SPAG16: variants seen among roughly 807,000 people sequenced by gnomAD.
SPAG16 encodes sperm-associated antigen 16 protein.
A neutral mutation model predicts 80.4 loss-of-function variants in SPAG16; 86 were observed. The ratio of observed to expected loss-of-function variants is 1.07; its 90% CI spans 0.90 to 1.28. The LOEUF (loss-of-function observed/expected upper bound fraction) is 1.28, where lower values mean the gene tolerates loss of function less well. SPAG16 is among the 50% of genes most tolerant of loss of function. The pLI, the probability that SPAG16 is intolerant of heterozygous loss-of-function variation, is 0.00. For missense variants in SPAG16, 870 were observed against 765.3 expected (o/e 1.14, Z -1.61); for synonymous variants, 294 against 265.9 (o/e 1.11, Z -1.03).
In SPAG16 at chr2:213,860,048, A is replaced by G. The variant is rs1353835109; in HGVS notation, c.1071-2437A>G. Among the ~76,000 whole-genome samples, 31 of 137,678 alleles carry G rather than the reference A, an allele frequency of 2.3e-4. No individual in the cohort carries two copies. In the Admixed American group the frequency reaches 2.3e-3, roughly 10 times the overall value. 90.3% of individuals were successfully genotyped at this position (137,678 alleles called of 152,430 possible). A position where few individuals can be genotyped will look rare whatever the true frequency, so the allele number is the denominator to read the frequency against. On this transcript the variant is annotated intron_variant, in intron 10 of 15. Coordinates refer to ENST00000331683, the MANE Select transcript of SPAG16 (RefSeq NM_024532.5). The stretch of plus-strand genomic sequence containing the variant: ...GTTATGTCTCATTATGGAGTTGAGA[A>G]TAACACAATTTCTGTACGTGGGAAA...
At position 213,563,435 on chromosome 2, in the gene SPAG16, G is replaced by T. The variant is rs192834931; in HGVS notation, c.1070+73345G>T. Among the ~76,000 whole-genome samples the T allele has an allele frequency of 5.3e-5, 8 of 152,272 alleles. No individual in the cohort carries two copies. The East Asian group carries it at 1.5e-3, about 29-fold the overall frequency. ...AATAACAGACATTAATTTTCTCATA[G>T]TTCTGGAGGCTGAAAGTCCTAAATC... On this transcript the variant is annotated intron_variant, in intron 10 of 15. Coordinates refer to ENST00000331683, the MANE Select transcript of SPAG16 (RefSeq NM_024532.5).
chr2:213,325,743 CTTTATA>C (rs199629413), intron 5 of SPAG16, among the ~76,000 whole-genome samples: 2,114 of 151,614 alleles, frequency 0.014, 22 homozygotes, highest in Non-Finnish European at 0.016. Flanking sequence ...TAATTTAATA[CTTTATA>C]TTTATGAAGG....
chr2:213,924,613 C>T (rs2078380307), intron 11 of SPAG16, among the ~76,000 whole-genome samples: 2 of 152,044 alleles, frequency 1.3e-5, no homozygotes, highest in Admixed American at 1.3e-4. Context: ...TTTTCATTTC[C>T]TTTGGCCTAG....
intron 15 of SPAG16, among the ~76,000 whole-genome samples, chr2:214,230,736 G>C (rs1220957199): frequency 6.6e-6 from 1 of 151,920 alleles, no homozygotes; most frequent in Non-Finnish European, 1.5e-5. Flanking sequence ...GTACAGGCTA[G>C]TTCTAATTTG....
chr2:213,510,629 G>A (rs920902393), intron 10 of SPAG16, among the ~76,000 whole-genome samples: 21 of 152,120 alleles, frequency 1.4e-4, no homozygotes, highest in Non-Finnish European at 2.4e-4. Context: ...GGGTTTTCGC[G>A]TTACACTGCC....
chr2:213,355,194 G>C (rs1054182401), intron 7 of SPAG16, among the ~76,000 whole-genome samples: 1 of 152,138 alleles, frequency 6.6e-6, no homozygotes, highest in African/African-American at 2.4e-5. Context: ...TGTTATTTCT[G>C]AGGCCTCTGT....
chr2:213,469,944 T>C (rs910221391), intron 9 of SPAG16, among the ~76,000 whole-genome samples: 1 of 152,114 alleles, frequency 6.6e-6, no homozygotes, highest in Non-Finnish European at 1.5e-5. Flanking sequence ...CATTCCCCTC[T>C]CTAGAACTAA....
chr2:214,344,682 A>G (rs1279290613), intron 15 of SPAG16, among the ~76,000 whole-genome samples: 2 of 152,198 alleles, frequency 1.3e-5, no homozygotes, highest in Non-Finnish European at 2.9e-5. Context: ...CACCAATTCT[A>G]TAAGGTATGT....
At chr2:213,544,123 T>G (rs2076539695) in intron 10 of SPAG16, among the ~76,000 whole-genome samples, 1 of 152,022 alleles carries the variant, frequency 6.6e-6, no homozygotes, top group African/African-American at 2.4e-5. Flanking sequence ...TTTTTATCAC[T>G]TTCTCTCCTA....
At chr2:214,327,317 G>A (rs1228560792) in intron 15 of SPAG16, among the ~76,000 whole-genome samples, 2 of 152,162 alleles carry the variant, frequency 1.3e-5, no homozygotes, top group Admixed American at 6.5e-5. Context: ...AGACAGACAA[G>A]GATTTGAATC....
Position 213,585,991 on chromosome 2 carries a change from T to TTC in SPAG16, c.1070+95901_1070+95902insTC, listed in dbSNP as rs2060459580. Among the ~76,000 whole-genome samples, 3 of 152,304 alleles carry TTC rather than the reference T, an allele frequency of 2.0e-5. No individual in the cohort carries two copies. In the South Asian group the frequency reaches 6.2e-4, roughly 32 times the overall value. ...CTAATCATCTCCATAACATATGATGTATACAGTGGTGATGAATATACTGAC... is the reference window on the plus strand; with the variant it reads ...CTAATCATCTCCATAACATATGATGTTCATACAGTGGTGATGAATATACTGAC... On this transcript the variant is annotated intron_variant, in intron 10 of 15. Transcript: ENST00000331683.
chr2:214,043,835 T>C lies in SPAG16; in HGVS notation c.1527+29758T>C, dbSNP rs1354143330. Among the ~76,000 whole-genome samples the C allele has an allele frequency of 2.0e-5, 3 of 152,160 alleles. No homozygotes were observed. The East Asian group carries it at 5.8e-4, about 29-fold the overall frequency. On this transcript the variant is annotated intron_variant, in intron 13 of 15. Transcript: ENST00000331683. ...TCAATAGTTTGTATATTTAATACTA[T>C]ATATGTTTATATATTCATATAACAT...
intron 12 of SPAG16, among the ~76,000 whole-genome samples, chr2:213,968,211 A>G (rs187729814): frequency 1.3e-5 from 2 of 149,214 alleles, no homozygotes; most frequent in African/African-American, 4.9e-5. Context: ...GTCTCACTCC[A>G]TCACCCAGGC....
chr2:213,773,111 G>T (rs1424911667), intron 10 of SPAG16, among the ~76,000 whole-genome samples: 2 of 150,142 alleles, frequency 1.3e-5, no homozygotes, highest in Non-Finnish European at 1.5e-5. Context: ...GATATCATTT[G>T]GTTTATCCCT....
At position 213,406,957 on chromosome 2, in the gene SPAG16, AG is replaced by A. The variant is rs1336182345; in HGVS notation, c.942+31841del. Among the ~76,000 whole-genome samples, 15 of 142,390 alleles carry A rather than the reference AG, an allele frequency of 1.1e-4. No homozygotes were observed. The East Asian group carries it at 3.2e-3, about 30-fold the overall frequency. The allele number at this position is 142,390 out of a possible 152,430, so 93.4% of individuals were successfully genotyped here. A position where few individuals can be genotyped will look rare whatever the true frequency, so the allele number is the denominator to read the frequency against. On this transcript the variant is annotated intron_variant, in intron 9 of 15. Transcript: ENST00000331683. ...GATTTAAAAAAAAAAAAAAAAAAAAAGGGAAAAGAAACTGGCCAGCAACCTA... is the reference window on the plus strand; with the variant it reads ...GATTTAAAAAAAAAAAAAAAAAAAAAGGAAAAGAAACTGGCCAGCAACCTA...
intron 10 of SPAG16, among the ~76,000 whole-genome samples, chr2:213,675,714 C>G (rs2064030657): frequency 6.6e-6 from 1 of 152,012 alleles, no homozygotes; most frequent in Non-Finnish European, 1.5e-5. Flanking sequence ...GGCGTTATTT[C>G]TGAGGGCTCT....
chr2:213,847,862 G>GACACAC (rs71063790), intron 10 of SPAG16, among the ~76,000 whole-genome samples: 23 of 149,980 alleles, frequency 1.5e-4, no homozygotes, highest in African/African-American at 5.6e-4. Flanking sequence ...ATAAACAAAT[G>GACACAC]ACACACACAC....
intron 10 of SPAG16, among the ~76,000 whole-genome samples, chr2:213,666,769 G>T (rs2063620062): frequency 6.6e-6 from 1 of 152,188 alleles, no homozygotes; most frequent in Non-Finnish European, 1.5e-5. Context: ...TTACACTGAG[G>T]ACTACCTGAT....
In SPAG16 at chr2:214,406,843, C is replaced by T. The variant is rs185752204; in HGVS notation, c.1721-3297C>T. Reference sequence around the variant, plus strand: ...GGTCAACAGAAAAGGTATTGATTTACTAAACATGAAAATATTCTGAAAGTC... The same window carrying T: ...GGTCAACAGAAAAGGTATTGATTTATTAAACATGAAAATATTCTGAAAGTC... On this transcript the variant is annotated intron_variant, in intron 15 of 15. Coordinates refer to ENST00000331683, the MANE Select transcript of SPAG16 (RefSeq NM_024532.5). Among the ~76,000 whole-genome samples the T allele has an allele frequency of 3.9e-5, 6 of 152,040 alleles. No individual in the cohort carries two copies. In the East Asian group the frequency reaches 7.7e-4, roughly 20 times the overall value.
Sources: allele counts gnomAD v4.1 joint callset (sites outside exome capture counted in the v4.1 genomes callset), GRCh38; gene constraint gnomAD v4.1.1; transcripts MANE v1.5; gene names NCBI Gene and HGNC (gene_info 2026-07-23, HGNC 2026-07-21).